Variants in SPAG16 observed in about 807,000 individuals in gnomAD.
The protein encoded by SPAG16 is sperm associated antigen 16.
SPAG16 carries 86 observed loss-of-function variants against 80.4 expected under a neutral mutation model. That is an observed-to-expected ratio of 1.07 (90% CI 0.90 to 1.28). The LOEUF (loss-of-function observed/expected upper bound fraction) is 1.28. Ranked by LOEUF, SPAG16 falls within the 50% of genes most tolerant of loss-of-function variation. SPAG16 has a pLI of 0.00. For synonymous variants in SPAG16, 294 were observed against 265.9 expected, an observed-to-expected ratio of 1.11 and a Z score of -1.03; for missense variants, 870 against 765.3, an observed-to-expected ratio of 1.14 and a Z score of -1.61.
At chr2:214,075,955 C>G (rs1461707568) in intron 13 of SPAG16, among the ~76,000 whole-genome samples, 37 of 152,044 alleles carry the variant, frequency 2.4e-4, no homozygotes. Flanking sequence ...AATAAATTTT[C>G]TTTCTGTCAT....
chr2:213,442,237 C>A (rs112847414), intron 9 of SPAG16, among the ~76,000 whole-genome samples: 3,558 of 152,206 alleles, frequency 0.023, 58 homozygotes, highest in African/African-American at 0.038. Context: ...AAATATGCAC[C>A]AGATCTGTAT....
intron 15 of SPAG16, among the ~76,000 whole-genome samples, chr2:214,386,072 G>A (rs373686544): frequency 2.0e-5 from 3 of 151,732 alleles, no homozygotes; most frequent in African/African-American, 7.3e-5. Flanking sequence ...CTCATAAAAC[G>A]ACTTAAAAAG....
chr2:213,824,528 T>C (rs959992530), intron 10 of SPAG16, among the ~76,000 whole-genome samples: 1 of 152,170 alleles, frequency 6.6e-6, no homozygotes, highest in African/African-American at 2.4e-5. Flanking sequence ...TCTTAGCACT[T>C]GTTTTCAAAA....
rs78891625 is a variant in SPAG16 at position 214,095,313 on chromosome 2, C to G, written c.1528-12883C>G. Among the ~76,000 whole-genome samples, 3 of 151,998 alleles carry G rather than the reference C, an allele frequency of 2.0e-5. No homozygotes were observed. In the South Asian group the frequency reaches 6.2e-4, roughly 32 times the overall value. ...AAAGCAGACACACACAGAAACCCCC[C>G]CAGAAACCTTTTCTCCAGTTCAACT... is the stretch of plus-strand genomic sequence containing the variant. On this transcript the variant is annotated intron_variant, in intron 13 of 15. Coordinates refer to ENST00000331683, the MANE Select transcript of SPAG16 (RefSeq NM_024532.5).
intron 9 of SPAG16, among the ~76,000 whole-genome samples, chr2:213,435,256 C>T (rs2125503033): frequency 6.6e-6 from 1 of 152,250 alleles, no homozygotes; most frequent in East Asian, 1.9e-4. Context: ...AATTGCAGGT[C>T]ATTATCTTAG....
chr2:214,319,540 G>A (rs1253404194), intron 15 of SPAG16, among the ~76,000 whole-genome samples: 2 of 151,848 alleles, frequency 1.3e-5, no homozygotes, highest in Non-Finnish European at 2.9e-5. Flanking sequence ...ATTAATGAAG[G>A]ACTATCTATG....
intron 15 of SPAG16, among the ~76,000 whole-genome samples, chr2:214,335,076 T>C (rs527935279): frequency 1.3e-5 from 2 of 152,286 alleles, no homozygotes; most frequent in South Asian, 4.1e-4. Flanking sequence ...GTAATGAACT[T>C]GCAACAGAGG....
rs78990940 is a variant in SPAG16 at position 214,141,784 on chromosome 2, T to C, written c.1594-7356T>C. Among the ~76,000 whole-genome samples the C allele has an allele frequency of 9.9e-4, 151 of 152,332 alleles. 3 individuals are homozygous for C. The East Asian group carries it at 0.027, about 27-fold the overall frequency. On this transcript the variant is annotated intron_variant, in intron 14 of 15. Transcript: ENST00000331683. ...TAAAATATTTTAAATAGGTAATCTG[T>C]CATTTTTCACTTGTAGGTAAATATC...
At chr2:214,311,785 T>C (rs184881576) in intron 15 of SPAG16, 1 of 152,320 alleles carries the variant, frequency 6.6e-6, no homozygotes, top group Non-Finnish European at 1.5e-5. Flanking sequence ...AAAACTAATT[T>C]ACTTTCTAAA....
At chr2:213,911,530 A>T (rs2077666308) in intron 11 of SPAG16, among the ~76,000 whole-genome samples, 1 of 152,232 alleles carries the variant, frequency 6.6e-6, no homozygotes, top group South Asian at 2.1e-4. Flanking sequence ...AATACGTGTA[A>T]TGAAACCATT....
chr2:213,395,143 A>G (rs193099042), intron 9 of SPAG16, among the ~76,000 whole-genome samples: 2 of 152,154 alleles, frequency 1.3e-5, no homozygotes, highest in East Asian at 1.9e-4. Context: ...CTATATAGCA[A>G]TTTATCAGTT....
At chr2:214,244,228 C>A (rs1186232557) in intron 15 of SPAG16, among the ~76,000 whole-genome samples, 1 of 151,432 alleles carries the variant, frequency 6.6e-6, no homozygotes, top group Non-Finnish European at 1.5e-5. Context: ...AGATCAGAAT[C>A]CATATGAAAA....
At chr2:213,961,144 T>C (rs950382496) in intron 12 of SPAG16, among the ~76,000 whole-genome samples, 1 of 152,208 alleles carries the variant, frequency 6.6e-6, no homozygotes, top group African/African-American at 2.4e-5. Context: ...GGTCAGATTC[T>C]TCTAGTGCGA....
chr2:214,211,160 A>C (rs2058282884), intron 15 of SPAG16, among the ~76,000 whole-genome samples: 2 of 152,158 alleles, frequency 1.3e-5, no homozygotes, highest in African/African-American at 4.8e-5. Flanking sequence ...ATTTTTAGTA[A>C]AGAGGCAAAA....
intron 12 of SPAG16, among the ~76,000 whole-genome samples, chr2:214,007,982 C>T (rs1377657332): frequency 1.3e-5 from 2 of 152,078 alleles, no homozygotes; most frequent in East Asian, 3.8e-4. Flanking sequence ...CTTCTCTTCA[C>T]CCCTCTCTGA....
intron 13 of SPAG16, among the ~76,000 whole-genome samples, chr2:214,034,490 A>G (rs1464136756): frequency 6.6e-6 from 1 of 152,152 alleles, no homozygotes; most frequent in Non-Finnish European, 1.5e-5. Flanking sequence ...GGCTGCTGTT[A>G]GCTCACACCT....
intron 10 of SPAG16, among the ~76,000 whole-genome samples, chr2:213,616,017 A>G (rs1298575407): frequency 6.6e-6 from 1 of 152,186 alleles, no homozygotes; most frequent in Admixed American, 6.5e-5. Context: ...TACGTAACAA[A>G]CCTGCATGTT....
intron 9 of SPAG16, among the ~76,000 whole-genome samples, chr2:213,474,657 A>T (rs866124568): frequency 3.3e-5 from 5 of 152,194 alleles, no homozygotes; most frequent in African/African-American, 1.2e-4. Flanking sequence ...GAGTCTAATC[A>T]TATTAAGCAG....
chr2:213,729,567 C>A (rs577619995), intron 10 of SPAG16, among the ~76,000 whole-genome samples: 1 of 152,294 alleles, frequency 6.6e-6, no homozygotes, highest in Non-Finnish European at 1.5e-5. Context: ...GACAGTGACC[C>A]AATGGCCCTC....
Sources: gnomAD v4.1 joint callset for allele counts (sites outside exome capture counted in the v4.1 genomes callset) on GRCh38, gnomAD v4.1.1 for gene constraint, MANE v1.5 for transcripts, NCBI Gene and HGNC (gene_info 2026-07-23, HGNC 2026-07-21) for gene names.